RTN4RL1: variants seen among roughly 807,000 people sequenced by gnomAD.
RTN4RL1 encodes reticulon-4 receptor-like 1.
RTN4RL1 carries 7 observed loss-of-function variants against 25.6 expected under a neutral mutation model. That is an observed-to-expected ratio of 0.27 (90% CI 0.16 to 0.51). RTN4RL1 has a LOEUF of 0.51. Among genes scored for constraint, RTN4RL1 ranks in the 20% least tolerant of loss-of-function variants. The probability of loss-of-function intolerance (pLI) is 0.97; values close to 1 mark genes in which losing one functional copy is unlikely to be tolerated. For missense variants in RTN4RL1, 500 were observed against 615.6 expected (o/e 0.81, Z 1.99); for synonymous variants, 297 against 288.2 (o/e 1.03, Z -0.31).
At chr17:2,010,218 A>G (rs576077277) in intron 1 of RTN4RL1, among the ~76,000 whole-genome samples, 1 of 116,650 alleles carries the variant, frequency 8.6e-6, no homozygotes, top group South Asian at 3.2e-4. Flanking sequence ...GCACTTTGGG[A>G]GGCCGATGTG....
intron 1 of RTN4RL1, among the ~76,000 whole-genome samples, chr17:1,964,613 T>C (rs898552237): frequency 6.6e-6 from 1 of 151,578 alleles, no homozygotes; most frequent in Non-Finnish European, 1.5e-5. Context: ...GCGCCTGTAG[T>C]CCCAGCTACT....
chr17:1,982,062 G>A (rs1005655263), intron 1 of RTN4RL1, among the ~76,000 whole-genome samples: 1 of 152,218 alleles, frequency 6.6e-6, no homozygotes, highest in Non-Finnish European at 1.5e-5. Context: ...CACTTTGGGA[G>A]GCCGAGGCGG....
chr17:1,956,738 CTTTTTTT>C (rs35830030), intron 1 of RTN4RL1, among the ~76,000 whole-genome samples: 1 of 132,608 alleles, frequency 7.5e-6, no homozygotes, highest in Non-Finnish European at 1.6e-5. Flanking sequence ...CTGTCGGGAA[CTTTTTTT>C]TTTTTTTTTT....
At chr17:2,013,625 C>A (rs186145961) in intron 1 of RTN4RL1, among the ~76,000 whole-genome samples, 1 of 138,228 alleles carries the variant, frequency 7.2e-6, no homozygotes, top group Non-Finnish European at 1.6e-5. Context: ...CCCCAGCTCC[C>A]TCACCCTGGA....
intron 1 of RTN4RL1, among the ~76,000 whole-genome samples, chr17:1,953,811 C>T (rs1203541925): frequency 2.0e-5 from 3 of 152,192 alleles, no homozygotes; most frequent in South Asian, 2.1e-4. Flanking sequence ...GTGACCCACC[C>T]GCCTTGGCCT....
At chr17:1,984,955 G>A (rs182410055) in intron 1 of RTN4RL1, among the ~76,000 whole-genome samples, 1 of 150,248 alleles carries the variant, frequency 6.7e-6, no homozygotes, top group South Asian at 2.1e-4. Context: ...CAACAAGAGC[G>A]AAACTCCATC....
intron 1 of RTN4RL1, among the ~76,000 whole-genome samples, chr17:2,007,014 C>A (rs1218343199): frequency 6.6e-6 from 1 of 152,036 alleles, no homozygotes; most frequent in Non-Finnish European, 1.5e-5. Flanking sequence ...TGTTACCCAC[C>A]GTGCTCTACG....
chr17:2,007,332 GCCCCAACACACA>G (rs1763240769), intron 1 of RTN4RL1, among the ~76,000 whole-genome samples: 1 of 78,632 alleles, frequency 1.3e-5, no homozygotes, highest in African/African-American at 7.1e-5. Flanking sequence ...CATGTTCACA[GCCCCAACACACA>G]CACACACACA....
At position 1,989,875 on chromosome 17, in the gene RTN4RL1, G is replaced by A. The variant is rs2066902064; in HGVS notation, c.13+34978C>T. On this transcript the variant is annotated intron_variant, in intron 1 of 1. Transcript: ENST00000331238. ...GTGTGAGCCACTGTGCCTGGCCTGA[G>A]TGTCATTTCAAGAAGGAGAAAGTAT... 2.0e-5 allele frequency among the ~76,000 whole-genome samples: 3 copies of A among 151,776 alleles called. No individual in the cohort carries two copies. In the South Asian group the frequency reaches 6.2e-4, roughly 32 times the overall value.
intron 1 of RTN4RL1, among the ~76,000 whole-genome samples, chr17:1,997,183 C>T (rs2066933101): frequency 6.6e-6 from 1 of 152,232 alleles, no homozygotes. Flanking sequence ...CCTCCGTGGC[C>T]CACGAGACCT....
chr17:1,989,455 G>A (rs1012665117), intron 1 of RTN4RL1, among the ~76,000 whole-genome samples: 6 of 152,170 alleles, frequency 3.9e-5, no homozygotes, highest in South Asian at 2.1e-4. Flanking sequence ...CTGCGAGCAC[G>A]CTGGAGGGGC....
At chr17:1,986,585 G>A (rs1360227934) in intron 1 of RTN4RL1, among the ~76,000 whole-genome samples, 1 of 152,144 alleles carries the variant, frequency 6.6e-6, no homozygotes, top group African/African-American at 2.4e-5. Flanking sequence ...GCAGAGACTG[G>A]AGCGATGCAG....
chr17:2,004,347 A>G lies in RTN4RL1; in HGVS notation c.13+20506T>C, dbSNP rs62066862. ...CGCGCCACTGCACTCCAGCCTGGGCAACAGAGCGAGACTCTGTCTCAAAAA... is the reference window on the plus strand; with the variant it reads ...CGCGCCACTGCACTCCAGCCTGGGCGACAGAGCGAGACTCTGTCTCAAAAA... On this transcript the variant is annotated intron_variant, in intron 1 of 1. Transcript: ENST00000331238. 6.7e-3 allele frequency among the ~76,000 whole-genome samples: 993 copies of G among 148,030 alleles called. 12 individuals carry two copies. Among genetic ancestry groups the G allele is most frequent in the Non-Finnish European group, 9.9e-3 (661 of 66,860 alleles).
At chr17:2,005,661 G>C (rs1035975943) in intron 1 of RTN4RL1, among the ~76,000 whole-genome samples, 4 of 152,086 alleles carry the variant, frequency 2.6e-5, no homozygotes, top group Non-Finnish European at 4.4e-5. Flanking sequence ...GAGCCCGGGA[G>C]GTGGAGGCTG....
At chr17:1,939,950 GTC>G (rs1005523091) in intron 1 of RTN4RL1, among the ~76,000 whole-genome samples, 27 of 152,212 alleles carry the variant, frequency 1.8e-4, no homozygotes, top group African/African-American at 6.0e-4. Flanking sequence ...GGGCAGCTGA[GTC>G]TCTGCTGCAG....
chr17:2,015,930 G>A (rs976032180), intron 1 of RTN4RL1, among the ~76,000 whole-genome samples: 52 of 152,246 alleles, frequency 3.4e-4, no homozygotes, highest in African/African-American at 1.2e-3. Context: ...TGCTAGGAGG[G>A]ACCACAGGGG....
At chr17:2,024,508 G>C (rs992645027) in intron 1 of RTN4RL1, among the ~76,000 whole-genome samples, 2 of 152,146 alleles carry the variant, frequency 1.3e-5, no homozygotes, top group African/African-American at 4.8e-5. Context: ...CCCGCGCAGG[G>C]AATGGAGGCT....
At chr17:2,004,019 C>T (rs986177095) in intron 1 of RTN4RL1, among the ~76,000 whole-genome samples, 12 of 151,056 alleles carry the variant, frequency 7.9e-5, no homozygotes, top group Non-Finnish European at 1.6e-4. Flanking sequence ...TGCAGTGAGC[C>T]GAGGTCGCAC....
intron 1 of RTN4RL1, among the ~76,000 whole-genome samples, chr17:1,954,686 C>A (rs1045478219): frequency 2.0e-5 from 3 of 152,192 alleles, no homozygotes; most frequent in African/African-American, 4.8e-5. Context: ...CTGCGCCCAG[C>A]CACTCCCACT....
Sources: gnomAD v4.1 joint callset for allele counts (sites outside exome capture counted in the v4.1 genomes callset) on GRCh38, gnomAD v4.1.1 for gene constraint, MANE v1.5 for transcripts, NCBI Gene and HGNC (gene_info 2026-07-23, HGNC 2026-07-21) for gene names.